NELL2: variants seen among roughly 807,000 people sequenced by gnomAD.
NELL2 encodes the protein neural EGFL like 2, also known as protein kinase C-binding protein NELL2.
Under a neutral mutation model 109.6 loss-of-function variants are expected in NELL2, and 41 were observed. The ratio of observed to expected loss-of-function variants is 0.37; its 90% CI spans 0.29 to 0.49. The LOEUF (loss-of-function observed/expected upper bound fraction) is 0.49. Among genes scored for constraint, NELL2 ranks in the 20% least tolerant of loss-of-function variants. The probability of loss-of-function intolerance (pLI) is 0.98; values close to 1 mark genes in which losing one functional copy is unlikely to be tolerated. For missense variants in NELL2, 900 were observed against 1,008.3 expected, an observed-to-expected ratio of 0.89 and a Z score of 1.45; for synonymous variants, 355 against 344.7, an observed-to-expected ratio of 1.03 and a Z score of -0.33.
intron 3 of NELL2, among the ~76,000 whole-genome samples, chr12:44,807,472 T>C (rs1943040777): frequency 6.6e-6 from 1 of 151,874 alleles, no homozygotes; most frequent in African/African-American, 2.4e-5. Flanking sequence ...GATAAGCTTC[T>C]GTCTTAAAGA....
At chr12:44,730,171 G>C (rs1939294910) in intron 9 of NELL2, among the ~76,000 whole-genome samples, 1 of 152,108 alleles carries the variant, frequency 6.6e-6, no homozygotes, top group Non-Finnish European at 1.5e-5. Flanking sequence ...GGGAGAAACA[G>C]ACAGTAACAA....
chr12:44,814,644 G>A (rs1286989241), intron 3 of NELL2, among the ~76,000 whole-genome samples: 2 of 152,150 alleles, frequency 1.3e-5, no homozygotes, highest in African/African-American at 4.8e-5. Context: ...GCCAGAATCT[G>A]GGAGGAAAGA....
intron 15 of NELL2, among the ~76,000 whole-genome samples, chr12:44,575,620 G>T (rs1944045256): frequency 2.0e-5 from 3 of 152,232 alleles, no homozygotes; most frequent in South Asian, 4.1e-4. Flanking sequence ...ATGTGGAAAT[G>T]TGAACTTATT....
chr12:44,668,329 T>C (rs1452523281), intron 12 of NELL2, among the ~76,000 whole-genome samples: 2 of 152,036 alleles, frequency 1.3e-5, no homozygotes, highest in Non-Finnish European at 2.9e-5. Context: ...TCCTGCCCTC[T>C]CCAGCAGCAG....
At chr12:44,865,557 G>A (rs1431449955) in intron 2 of NELL2, among the ~76,000 whole-genome samples, 2 of 105,184 alleles carry the variant, frequency 1.9e-5, no homozygotes, top group Non-Finnish European at 3.9e-5. Flanking sequence ...GTAAACTATC[G>A]CAAGAACAAA....
intron 9 of NELL2, among the ~76,000 whole-genome samples, chr12:44,716,888 G>A (rs1405167631): frequency 6.6e-6 from 1 of 152,116 alleles, no homozygotes; most frequent in African/African-American, 2.4e-5. Context: ...TAATATTCAT[G>A]TAGAGCAGAT....
intron 15 of NELL2, among the ~76,000 whole-genome samples, chr12:44,549,658 C>A (rs1942948181): frequency 6.6e-6 from 1 of 151,970 alleles, no homozygotes; most frequent in Non-Finnish European, 1.5e-5. Flanking sequence ...GAAAACAATA[C>A]CATTTACAAT....
intron 2 of NELL2, among the ~76,000 whole-genome samples, chr12:44,833,488 A>G (rs1943950027): frequency 1.3e-5 from 2 of 152,182 alleles, no homozygotes; most frequent in Non-Finnish European, 2.9e-5. Flanking sequence ...AGAAAGACTG[A>G]TTTTAATCTC....
At chr12:44,544,536 T>C (rs1942714080) in intron 15 of NELL2, among the ~76,000 whole-genome samples, 1 of 152,100 alleles carries the variant, frequency 6.6e-6, no homozygotes, top group African/African-American at 2.4e-5. Context: ...AGGAACTCCT[T>C]GTAAGAAAGG....
At chr12:44,807,636 A>G (rs1334120780) in intron 3 of NELL2, among the ~76,000 whole-genome samples, 6 of 152,052 alleles carry the variant, frequency 3.9e-5, no homozygotes, top group African/African-American at 1.4e-4. Context: ...AAGTGAAGAA[A>G]AGGTTAAAAA....
At chr12:44,773,408 G>A (rs554273163) in intron 9 of NELL2, among the ~76,000 whole-genome samples, 8 of 152,134 alleles carry the variant, frequency 5.3e-5, no homozygotes, top group East Asian at 1.9e-4. Flanking sequence ...CCTGGAAGGC[G>A]GAGCTTGCAG....
Position 44,583,457 on chromosome 12 carries a change from C to T in NELL2, c.1663+23712G>A, listed in dbSNP as rs950756435. Among the ~76,000 whole-genome samples, 4 of 152,152 alleles carry T rather than the reference C, an allele frequency of 2.6e-5. No individual in the cohort carries two copies. In the South Asian group the frequency reaches 8.3e-4, roughly 32 times the overall value. On this transcript the variant is annotated intron_variant, in intron 15 of 19. Coordinates refer to ENST00000429094, the MANE Select transcript of NELL2 (RefSeq NM_001145108.2). ...AGAGACCTTTTCAACTAGGTCACTA[C>T]TATTTCTTGGGGTTTAGATAGTAGT...
Position 44,791,140 on chromosome 12 carries a change from C to T in NELL2, c.336-11118G>A, listed in dbSNP as rs1247156674. Among the ~76,000 whole-genome samples the T allele has an allele frequency of 7.8e-3, 589 of 75,152 alleles. 53 individuals are homozygous for T. Among genetic ancestry groups the T allele is most frequent in the African/African-American group, 0.037 (559 of 15,012 alleles). The allele number at this position is 75,152 out of a possible 152,430, so 49.3% of individuals were successfully genotyped here. A position where few individuals can be genotyped will look rare whatever the true frequency, so the allele number is the denominator to read the frequency against. On this transcript the variant is annotated intron_variant, in intron 3 of 19. Transcript: ENST00000429094. ...ATATATGTATATATATATATACACA[C>T]GCACACACATACACACACACACACA...
chr12:44,641,827 G>C (rs953265330), intron 13 of NELL2, among the ~76,000 whole-genome samples: 15 of 151,398 alleles, frequency 9.9e-5, no homozygotes, highest in African/African-American at 3.4e-4. Flanking sequence ...CTCCCAAGTA[G>C]CTGGGACTAC....
intron 2 of NELL2, among the ~76,000 whole-genome samples, chr12:44,819,481 T>C (rs186477490): frequency 8.5e-5 from 13 of 152,364 alleles, no homozygotes; most frequent in Admixed American, 7.2e-4. Context: ...GTGTTTGCAC[T>C]ACTTGTCAGG....
chr12:44,794,863 A>G (rs1942563740), intron 3 of NELL2, among the ~76,000 whole-genome samples: 1 of 152,148 alleles, frequency 6.6e-6, no homozygotes. Context: ...CACATTATAA[A>G]TCCCAGGAAC....
At chr12:44,686,319 A>C (rs1028903467) in intron 12 of NELL2, among the ~76,000 whole-genome samples, 3 of 151,932 alleles carry the variant, frequency 2.0e-5, no homozygotes, top group African/African-American at 7.3e-5. Context: ...CATTCTTCTA[A>C]ATTTTTTTCA....
At chr12:44,632,961 C>G (rs12815257) in intron 13 of NELL2, among the ~76,000 whole-genome samples, 87,919 of 151,576 alleles carry the variant, frequency 0.58, 25,976 homozygotes, top group East Asian at 0.73. Flanking sequence ...AGGACTACCA[C>G]TGAAAATCAT....
chr12:44,697,867 C>T (rs971486299), intron 12 of NELL2, among the ~76,000 whole-genome samples: 3 of 152,150 alleles, frequency 2.0e-5, no homozygotes, highest in African/African-American at 7.2e-5. Context: ...CTTATTGTCT[C>T]ACAGTTTTGG....
Sources: allele counts gnomAD v4.1 joint callset (sites outside exome capture counted in the v4.1 genomes callset), GRCh38; gene constraint gnomAD v4.1.1; transcripts MANE v1.5; gene names NCBI Gene and HGNC (gene_info 2026-07-23, HGNC 2026-07-21).